The following DISC1 variants were observed in gnomAD, a reference collection of about 807,000 sequenced individuals.
The protein encoded by DISC1 is DISC1 scaffold protein.
In DISC1, 57 loss-of-function variants were observed where a neutral mutation model predicts 84.5. The ratio of observed to expected loss-of-function variants is 0.67; its 90% CI spans 0.55 to 0.84. The LOEUF (loss-of-function observed/expected upper bound fraction) is 0.84, where lower values mean the gene tolerates loss of function less well. Ranked by LOEUF, DISC1 falls within the 40% of genes least tolerant of loss-of-function variation. DISC1 has a pLI of 0.00. For missense variants in DISC1, 1,000 were observed against 1,057.8 expected (o/e 0.95, Z 0.76); for synonymous variants, 411 against 415.2 (o/e 0.99, Z 0.12).
chr1:231,953,599 C>T (rs1658876485), intron 9 of DISC1, among the ~76,000 whole-genome samples: 1 of 152,148 alleles, frequency 6.6e-6, no homozygotes, highest in Non-Finnish European at 1.5e-5. Flanking sequence ...TTCACATCTT[C>T]CTTCTGAAAG....
At chr1:231,973,859 A>G (rs199867871) in intron 10 of DISC1, among the ~76,000 whole-genome samples, 4 of 152,218 alleles carry the variant, frequency 2.6e-5, no homozygotes, top group Non-Finnish European at 5.9e-5. Flanking sequence ...TTCAGGGCTC[A>G]AAAGTGAAAA....
intron 12 of DISC1, among the ~76,000 whole-genome samples, chr1:232,034,828 A>G (rs58190860): frequency 0.028 from 4,325 of 152,128 alleles, 215 homozygotes; most frequent in African/African-American, 0.097. Flanking sequence ...TTTTGCTTGT[A>G]TAAAGTGGTA....
intron 10 of DISC1, among the ~76,000 whole-genome samples, chr1:231,984,205 C>A (rs115154727): frequency 0.028 from 4,267 of 152,206 alleles, 196 homozygotes; most frequent in African/African-American, 0.097. Context: ...CTCTATTTTA[C>A]AGATTTTATG....
chr1:231,632,797 G>A (rs187082350), intron 1 of DISC1, among the ~76,000 whole-genome samples: 30 of 152,170 alleles, frequency 2.0e-4, no homozygotes, highest in Non-Finnish European at 2.9e-4. Context: ...TCAGCCAGGC[G>A]CAGTGGCTCA....
rs549043386 is a variant in DISC1, at chr1:231,809,979, GGTAACTTT to G, written c.1793-8345_1793-8338del. 5.0e-3 allele frequency among the ~76,000 whole-genome samples: 765 copies of G among 152,132 alleles called. 11 individuals carry two copies. The highest frequency in any genetic ancestry group is 0.018 in the African/African-American group (734 of 41,512). ...AATTTTATTTACAATAGTATTTAAA[GGTAACTTT>G]GTAAAATAACCCCTAATGATATAAT... On this transcript the variant is annotated intron_variant, in intron 8 of 12. Transcript: ENST00000439617.
chr1:231,787,334 G>T (rs2077958287), intron 6 of DISC1, among the ~76,000 whole-genome samples: 1 of 152,104 alleles, frequency 6.6e-6, no homozygotes, highest in African/African-American at 2.4e-5. Flanking sequence ...ATCTGGCAAG[G>T]ACCTTCTTAC....
intron 9 of DISC1, among the ~76,000 whole-genome samples, chr1:231,921,262 C>T (rs1422269663): frequency 1.3e-5 from 2 of 152,092 alleles, no homozygotes; most frequent in African/African-American, 4.8e-5. Flanking sequence ...CTCCAAGGAC[C>T]GTGGTCATAC....
At chr1:231,951,743 C>A (rs1247011101) in intron 9 of DISC1, among the ~76,000 whole-genome samples, 1 of 152,152 alleles carries the variant, frequency 6.6e-6, no homozygotes, top group Non-Finnish European at 1.5e-5. Context: ...CAGTGCCTAA[C>A]ATGGAATCTG....
intron 9 of DISC1, among the ~76,000 whole-genome samples, chr1:231,908,579 A>G (rs1420467949): frequency 2.0e-4 from 31 of 152,134 alleles, no homozygotes; most frequent in Admixed American, 2.0e-3. Context: ...GTAGCCTTGT[A>G]GTATCATTTG....
chr1:231,929,532 T>G (rs1457588467), intron 9 of DISC1, among the ~76,000 whole-genome samples: 1 of 152,242 alleles, frequency 6.6e-6, no homozygotes, highest in Non-Finnish European at 1.5e-5. Context: ...GGCACTGCGC[T>G]GCCTCAGAGC....
intron 9 of DISC1, among the ~76,000 whole-genome samples, chr1:231,869,567 C>T (rs1231047777): frequency 6.6e-6 from 1 of 151,744 alleles, no homozygotes; most frequent in African/African-American, 2.4e-5. Flanking sequence ...GCCTCTCTCT[C>T]TTGCTTCCTC....
intron 9 of DISC1, among the ~76,000 whole-genome samples, chr1:231,931,439 G>T (rs919530423): frequency 6.6e-6 from 1 of 152,144 alleles, no homozygotes; most frequent in Non-Finnish European, 1.5e-5. Flanking sequence ...ACCTAGAGAG[G>T]GTTTGCGTAT....
rs182613539 is a variant in DISC1 at position 232,031,544 on chromosome 1, C to T, written c.2425+4992C>T. On this transcript the variant is annotated intron_variant, in intron 12 of 12. Transcript: ENST00000439617. The surrounding 1 kb of genome is among the most constrained non-coding windows in gnomAD (Gnocchi z 4.6). Reference sequence around the variant, plus strand: ...GAAAAGGAAAGGAAAGAAAGAAAACCCAGAGCCTAAGATGACAGTATCTAA... The same window carrying T: ...GAAAAGGAAAGGAAAGAAAGAAAACTCAGAGCCTAAGATGACAGTATCTAA... Among the ~76,000 whole-genome samples, 113 of 152,034 alleles carry T rather than the reference C, an allele frequency of 7.4e-4. No homozygotes were observed. Among genetic ancestry groups the T allele is most frequent in the African/African-American group, 2.7e-3 (112 of 41,476 alleles).
At chr1:231,995,352 TA>T (rs2102936975) in intron 10 of DISC1, among the ~76,000 whole-genome samples, 1 of 152,062 alleles carries the variant, frequency 6.6e-6, no homozygotes. Context: ...ATTTTATTAT[TA>T]TTATACTTTA....
At chr1:231,638,197 G>T (rs1167830784) in intron 1 of DISC1, among the ~76,000 whole-genome samples, 2 of 152,118 alleles carry the variant, frequency 1.3e-5, no homozygotes, top group African/African-American at 4.8e-5. Flanking sequence ...TGTTGTTGTT[G>T]TTGAATTGTT....
At chr1:231,814,718 G>A (rs1305995901) in intron 8 of DISC1, among the ~76,000 whole-genome samples, 1 of 151,946 alleles carries the variant, frequency 6.6e-6, no homozygotes, top group African/African-American at 2.4e-5. Flanking sequence ...TTGAATGCTG[G>A]TGCTTTCCCA....
chr1:231,663,689 AC>A (rs934730064), intron 1 of DISC1, among the ~76,000 whole-genome samples: 3 of 152,170 alleles, frequency 2.0e-5, no homozygotes, highest in Non-Finnish European at 2.9e-5. Flanking sequence ...TGTTGCATAT[AC>A]CTATACCACT....
At chr1:231,777,606 C>A (rs2077049765) in intron 6 of DISC1, among the ~76,000 whole-genome samples, 1 of 152,132 alleles carries the variant, frequency 6.6e-6, no homozygotes, top group African/African-American at 2.4e-5. Context: ...TGCAGTGAGA[C>A]AGAAGTGTGT....
At chr1:231,891,327 C>T (rs2087197346) in intron 9 of DISC1, among the ~76,000 whole-genome samples, 1 of 152,212 alleles carries the variant, frequency 6.6e-6, no homozygotes, top group Non-Finnish European at 1.5e-5. Flanking sequence ...GTTGGACAAG[C>T]TTGGTCTAAC....
Sources: gnomAD v4.1 joint callset for allele counts (sites outside exome capture counted in the v4.1 genomes callset) on GRCh38, gnomAD v4.1.1 for gene constraint, Gnocchi (gnomAD v3.1) non-coding constraint, MANE v1.5 for transcripts, NCBI Gene and HGNC (gene_info 2026-07-23, HGNC 2026-07-21) for gene names.